Variants in LAMA3 observed in about 807,000 individuals in gnomAD.
LAMA3 encodes the protein laminin subunit alpha 3.
In LAMA3, 281 loss-of-function variants were observed where a neutral mutation model predicts 402.0. The ratio of observed to expected loss-of-function variants is 0.70; its 90% confidence interval spans 0.63 to 0.77. The LOEUF is 0.77. Ranked by LOEUF, LAMA3 falls within the 30% of genes least tolerant of loss-of-function variation. The pLI is 0.00. For synonymous variants in LAMA3, 1,431 were observed against 1,558.4 expected (o/e 0.92, Z 1.93); for missense variants, 3,840 against 4,215.5 (o/e 0.91, Z 2.47).
intron 8 of LAMA3, among the ~76,000 whole-genome samples, chr18:23,765,226 C>T (rs1245847304): frequency 6.6e-6 from 1 of 152,086 alleles, no homozygotes; most frequent in Non-Finnish European, 1.5e-5. Context: ...AACCAGAGAG[C>T]AGAGCTTAGG....
intron 8 of LAMA3, among the ~76,000 whole-genome samples, chr18:23,772,462 G>A (rs1252975022): frequency 2.0e-5 from 3 of 152,160 alleles, no homozygotes; most frequent in Non-Finnish European, 4.4e-5. Context: ...ACAGATTTGA[G>A]GGTTAATTGA....
At chr18:23,900,458 G>C (rs2081034785) in intron 47 of LAMA3, among the ~76,000 whole-genome samples, 1 of 152,118 alleles carries the variant, frequency 6.6e-6, no homozygotes, top group Admixed American at 6.5e-5. Flanking sequence ...TCATGTCATT[G>C]CTCAAAAATG....
Position 23,810,418 on chromosome 18 carries a change from T to C in LAMA3, c.1656T>C (p.Thr552=). ...GSYQMPCSSV[T]GQCECRPGVT... ...ACCAGATGCCCTGCAGCTCAGTGAC[T>C]GGACAGTGTGAATGTCGGCCAGGAG... Residue 552 remains threonine (T), a synonymous_variant, in exon 13 of 75, where the codon ACT becomes ACC. Coordinates refer to ENST00000313654, the MANE Select transcript of LAMA3 (RefSeq NM_198129.4). The C allele has an allele frequency of 1.2e-6, 2 of 1,614,180 alleles. No homozygotes were observed. The highest frequency in any genetic ancestry group is 2.7e-5 in the African/African-American group (2 of 75,054).
Position 23,689,872 on chromosome 18 carries a change from C to G in LAMA3, c.189C>G (p.Thr63=). 6.5e-7 allele frequency: 1 copy of G among 1,545,812 alleles called. No individual in the cohort carries two copies. The highest frequency in any genetic ancestry group is 8.7e-7 in the Non-Finnish European group (1 of 1,145,768). The change falls in exon 1 of 75, where the codon ACC becomes ACG. Residue 63 remains threonine, a synonymous_variant. Coordinates refer to ENST00000313654, the MANE Select transcript of LAMA3 (RefSeq NM_198129.4). The stretch of plus-strand genomic sequence containing the variant: ...CCGAGGCGGCGAGGATTTGGGCCAC[C>G]GCCACCTGCGGGGAGAGGGGACCCG... ...NLAEAARIWA[T]ATCGERGPGE... is the part of the protein sequence containing the mutation.
At chr18:23,833,687 A>G (rs1333446742) in intron 23 of LAMA3, 141 bp from the exon 24 acceptor site, 3 of 854,374 alleles carry the variant, frequency 3.5e-6, no homozygotes, top group African/African-American at 3.3e-5. Context: ...CTCAACCTGT[A>G]GGACCATATT....
chr18:23,858,816 A>G lies in LAMA3; in HGVS notation c.4409A>G (p.Lys1470Arg), dbSNP rs2064147426. The G allele has an allele frequency of 5.6e-6, 9 of 1,614,200 alleles. No homozygotes were observed. Among genetic ancestry groups the G allele is most frequent in the Non-Finnish European group, 6.8e-6 (8 of 1,180,010 alleles). The change falls in exon 34 of 75, where the codon AAG becomes AGG. Residue 1470 changes from lysine to arginine, a missense_variant. Lys to Arg is a conservative substitution (Grantham distance 26). This residue lies in a region of LAMA3 where 2,109 missense variants were observed against 2,376.0 expected (regional missense o/e 0.89). Transcript: ENST00000313654. ...AATAATCAATGTCACAGCTCACATA[A>G]GCGAAGGACTAAGGTATGCATTGAC... ...GVNNQCHSSHKRRTKFVDMLG... is the reference protein window; with the variant it reads ...GVNNQCHSSHRRRTKFVDMLG...
chr18:23,806,709 G>T (rs573646307), intron 12 of LAMA3, among the ~76,000 whole-genome samples: 1 of 152,190 alleles, frequency 6.6e-6, no homozygotes, highest in Non-Finnish European at 1.5e-5. Flanking sequence ...ACTCTGCAAG[G>T]TTTGGAATTT....
intron 37 of LAMA3, among the ~76,000 whole-genome samples, chr18:23,870,802 A>T (rs1413410805): frequency 6.6e-6 from 1 of 152,206 alleles, no homozygotes; most frequent in African/African-American, 2.4e-5. Flanking sequence ...TTAGCAACAG[A>T]AATTAGAATA....
At chr18:23,846,647 C>A in intron 31 of LAMA3, 139 bp downstream of exon 31, 1 of 860,892 alleles carries the variant, frequency 1.2e-6, no homozygotes, top group Non-Finnish European at 1.9e-6. Context: ...ATTCAGGAGA[C>A]TGGGCTGGAG....
intron 9 of LAMA3, among the ~76,000 whole-genome samples, chr18:23,774,550 A>AT (rs2062272401): frequency 2.0e-5 from 3 of 152,204 alleles, no homozygotes; most frequent in African/African-American, 7.2e-5. Context: ...CTTCTATTAT[A>AT]CAGAAGAATG....
At chr18:23,777,454 T>C in intron 10 of LAMA3, 103 bp from the exon 11 acceptor site, 1 of 819,308 alleles carries the variant, frequency 1.2e-6, no homozygotes, top group Non-Finnish European at 2.1e-6. Flanking sequence ...ATGCTACTTT[T>C]CACTAAGTGA....
At chr18:23,758,578 A>G (rs2061902961) in intron 7 of LAMA3, 67 bp downstream of exon 7, 5 of 1,177,580 alleles carry the variant, frequency 4.2e-6, no homozygotes, top group South Asian at 3.8e-5. Flanking sequence ...GGCTGAGGCT[A>G]TTTTCCCCAT....
chr18:23,847,524 G>T lies in LAMA3; in HGVS notation c.3992G>T (p.Arg1331Leu), dbSNP rs756866046. 2 of 1,613,926 alleles carry T rather than the reference G, an allele frequency of 1.2e-6. No homozygotes were observed. Among genetic ancestry groups the T allele is most frequent in the South Asian group, 1.1e-5 (1 of 91,082 alleles). ...EMTGQCRCPP[R>L]TVRPQCEVCE... Reference sequence around the variant, plus strand: ...ACGGGGCAGTGCCGCTGCCCTCCCCGCACGGTCAGGCCCCAGTGTGAGGTG... The same window carrying T: ...ACGGGGCAGTGCCGCTGCCCTCCCCTCACGGTCAGGCCCCAGTGTGAGGTG... Residue 1331 changes from arginine (R) to leucine (L), a missense_variant, in exon 32 of 75, where the codon CGC becomes CTC. Physicochemically the swap from Arg to Leu is moderately radical, Grantham distance 102. Coordinates refer to ENST00000313654, the MANE Select transcript of LAMA3 (RefSeq NM_198129.4).
rs528122168 is a variant in LAMA3 at position 23,794,909 on chromosome 18, G to A, written c.1603+10752G>A. On this transcript the variant is annotated intron_variant, in intron 12 of 74. Transcript: ENST00000313654. ...ATTTCTTAAAAAACCACAAACTCTCGACATTATTTTCACAAAAAACCATAT... is the reference window on the plus strand; with the variant it reads ...ATTTCTTAAAAAACCACAAACTCTCAACATTATTTTCACAAAAAACCATAT... 3.9e-5 allele frequency among the ~76,000 whole-genome samples: 6 copies of A among 152,168 alleles called. No individual in the cohort carries two copies. The South Asian group carries it at 1.0e-3, about 26-fold the overall frequency.
At chr18:23,855,818 T>C (rs2064064348) in intron 32 of LAMA3, among the ~76,000 whole-genome samples, 1 of 152,178 alleles carries the variant, frequency 6.6e-6, no homozygotes, top group Non-Finnish European at 1.5e-5. Flanking sequence ...TACTTCCTTA[T>C]GGAATCATTT....
rs56179962 is a variant in LAMA3 at position 23,837,570 on chromosome 18, G to GATAT, written c.3093+502_3093+505dup. On this transcript the variant is annotated intron_variant, in intron 25 of 74. Coordinates refer to ENST00000313654, the MANE Select transcript of LAMA3 (RefSeq NM_198129.4). ...AAAAAGAATATCATTCAGTTAATCA[G>GATAT]ATATATATATATATATATATATATG... Among the ~76,000 whole-genome samples, 773 of 83,284 alleles carry GATAT rather than the reference G, an allele frequency of 9.3e-3. 27 individuals are homozygous for GATAT. The highest frequency in any genetic ancestry group is 0.019 in the Middle Eastern group (2 of 108). The allele number at this position is 83,284 out of a possible 152,430, so 54.6% of individuals were successfully genotyped here.
intron 1 of LAMA3, among the ~76,000 whole-genome samples, chr18:23,707,351 C>G (rs1666282995): frequency 6.6e-6 from 1 of 152,174 alleles, no homozygotes; most frequent in Admixed American, 6.5e-5. Context: ...CTGCTGGCTT[C>G]CAAGAGGAAG....
At chr18:23,912,908 GT>G in intron 56 of LAMA3, 27 bp downstream of exon 56, 1 of 1,601,680 alleles carries the variant, frequency 6.2e-7, no homozygotes, top group Non-Finnish European at 8.5e-7. Flanking sequence ...CATCTCTCTT[GT>G]TTTTGAAACA....
At chr18:23,885,248 C>T (rs980852655) in intron 41 of LAMA3, among the ~76,000 whole-genome samples, 1 of 151,682 alleles carries the variant, frequency 6.6e-6, no homozygotes, top group Non-Finnish European at 1.5e-5. Context: ...CAACGTATCC[C>T]TACTTACCTG....
Sources: allele counts gnomAD v4.1 joint callset (sites outside exome capture counted in the v4.1 genomes callset), GRCh38; gene constraint gnomAD v4.1.1; regional missense constraint gnomAD v4.1.1; transcripts MANE v1.5; gene names NCBI Gene and HGNC (gene_info 2026-07-23, HGNC 2026-07-21).